COL5A2: variants seen among roughly 807,000 people sequenced by gnomAD.
COL5A2 encodes collagen alpha-2(V) chain.
A neutral mutation model predicts 208.2 loss-of-function variants in COL5A2; 23 were observed. The ratio of observed to expected loss-of-function variants is 0.11; its 90% CI spans 0.08 to 0.16. The LOEUF (loss-of-function observed/expected upper bound fraction) is 0.16. Ranked by LOEUF, COL5A2 falls within the 10% of genes least tolerant of loss-of-function variation. The probability of loss-of-function intolerance (pLI) is 1.00; values close to 1 mark genes in which losing one functional copy is unlikely to be tolerated. For synonymous variants in COL5A2, 625 were observed against 628.5 expected (o/e 0.99, Z 0.08); for missense variants, 1,590 against 1,956.4 (o/e 0.81, Z 3.53).
chr2:189,318,305 T>C, the COL5A2 span, among the ~76,000 whole-genome samples: 2 of 152,222 alleles, frequency 1.3e-5, no homozygotes, highest in Non-Finnish European at 2.9e-5. Flanking sequence ...TTTTCTCACC[T>C]GTAGTGTCAA....
chr2:189,370,178 G>T, the COL5A2 span, among the ~76,000 whole-genome samples: 1 of 151,730 alleles, frequency 6.6e-6, no homozygotes, highest in East Asian at 1.9e-4. Flanking sequence ...CTTTTTTCTG[G>T]CTTTAGGAAT....
chr2:189,115,406 G>T (rs1194260078), intron 1 of COL5A2, among the ~76,000 whole-genome samples: 1 of 141,402 alleles, frequency 7.1e-6, no homozygotes, highest in East Asian at 2.0e-4. Context: ...CACCTGTGGG[G>T]GAAAAAAAAA....
At chr2:189,129,217 G>C (rs1331932293) in intron 1 of COL5A2, among the ~76,000 whole-genome samples, 1 of 151,850 alleles carries the variant, frequency 6.6e-6, no homozygotes, top group Admixed American at 6.6e-5. Context: ...ATAGAAAACA[G>C]ATGGCTAGCG....
the COL5A2 span, among the ~76,000 whole-genome samples, chr2:189,313,485 A>G: frequency 2.6e-5 from 4 of 152,252 alleles, no homozygotes; most frequent in Non-Finnish European, 5.9e-5. Context: ...TCATTACAAA[A>G]ACACACTGAA....
intron 1 of COL5A2, among the ~76,000 whole-genome samples, chr2:189,126,703 T>C (rs558039455): frequency 2.6e-4 from 39 of 152,196 alleles, no homozygotes; most frequent in African/African-American, 9.1e-4. Context: ...AATGGCCACA[T>C]TTAGTAAATG....
the COL5A2 span, among the ~76,000 whole-genome samples, chr2:189,344,626 C>T: frequency 6.6e-6 from 1 of 152,188 alleles, no homozygotes; most frequent in African/African-American, 2.4e-5. Context: ...ATCGGTTGGG[C>T]TTGTTCATCC....
chr2:189,326,314 G>A, the COL5A2 span, among the ~76,000 whole-genome samples: 1 of 152,144 alleles, frequency 6.6e-6, no homozygotes, highest in Non-Finnish European at 1.5e-5. Context: ...TAGGATGATG[G>A]TGGGGAGGGA....
the COL5A2 span, among the ~76,000 whole-genome samples, chr2:189,325,163 G>A: frequency 6.6e-6 from 1 of 151,454 alleles, no homozygotes. Context: ...ACTGGGGCCT[G>A]TTGTGGGGTG....
At chr2:189,043,754 G>A (rs1310888616) in intron 47 of COL5A2, among the ~76,000 whole-genome samples, 2 of 152,098 alleles carry the variant, frequency 1.3e-5, no homozygotes, top group Non-Finnish European at 1.5e-5. Context: ...TAAGAAATTG[G>A]CAAAAACTTG....
chr2:189,246,195 C>A, the COL5A2 span, among the ~76,000 whole-genome samples: 1 of 151,912 alleles, frequency 6.6e-6, no homozygotes, highest in Non-Finnish European at 1.5e-5. Context: ...CAGTTCTCAC[C>A]CAGAATTACA....
the COL5A2 span, among the ~76,000 whole-genome samples, chr2:189,338,337 G>A: frequency 6.6e-6 from 1 of 152,072 alleles, no homozygotes; most frequent in African/African-American, 2.4e-5. Context: ...CATCCCACCA[G>A]GACTTGATTC....
At chr2:189,337,182 T>TC in the COL5A2 span, among the ~76,000 whole-genome samples, 1 of 150,394 alleles carries the variant, frequency 6.6e-6, no homozygotes, top group Admixed American at 6.6e-5. Context: ...ATCATTTTTT[T>TC]TTTTCTTTTT....
chr2:189,361,802 A>G, the COL5A2 span, among the ~76,000 whole-genome samples: 2 of 152,060 alleles, frequency 1.3e-5, no homozygotes, highest in South Asian at 4.1e-4. Flanking sequence ...CGTGGTTACC[A>G]TGAGGCTTAC....
chr2:189,051,637 C>A (rs1685791351), intron 41 of COL5A2, among the ~76,000 whole-genome samples, 156 bp from the exon 42 acceptor site: 1 of 149,574 alleles, frequency 6.7e-6, no homozygotes. Flanking sequence ...TTAAACAAAA[C>A]AAAACAAAAG....
the COL5A2 span, among the ~76,000 whole-genome samples, chr2:189,323,685 T>C: frequency 1.3e-5 from 2 of 152,184 alleles, no homozygotes; most frequent in Admixed American, 6.5e-5. Flanking sequence ...CACAAACAAA[T>C]GGAAGAACAT....
intron 1 of COL5A2, among the ~76,000 whole-genome samples, chr2:189,125,463 C>G (rs1687589721): frequency 6.6e-6 from 1 of 152,088 alleles, no homozygotes; most frequent in Admixed American, 6.6e-5. Flanking sequence ...CATGGGTCCA[C>G]TTATAAGGGG....
chr2:189,389,550 C>G, the COL5A2 span, among the ~76,000 whole-genome samples: 1 of 152,102 alleles, frequency 6.6e-6, no homozygotes. Flanking sequence ...TCCATGCTGT[C>G]AGTGCAATCT....
the COL5A2 span, among the ~76,000 whole-genome samples, chr2:189,251,044 G>T: frequency 6.6e-6 from 1 of 152,060 alleles, no homozygotes; most frequent in Admixed American, 6.5e-5. Flanking sequence ...TGCAAAATGG[G>T]AATAATGACA....
chr2:189,174,778 T>C (rs1432100680), intron 1 of COL5A2, among the ~76,000 whole-genome samples: 2 of 152,240 alleles, frequency 1.3e-5, no homozygotes, highest in Admixed American at 6.5e-5. Flanking sequence ...GGTCCAAGTA[T>C]ACATTGTGTT....
Sources: allele counts gnomAD v4.1 joint callset (sites outside exome capture counted in the v4.1 genomes callset), GRCh38; gene constraint gnomAD v4.1.1; transcripts MANE v1.5; gene names NCBI Gene and HGNC (gene_info 2026-07-23, HGNC 2026-07-21).